Variants in GARNL3 observed in about 807,000 individuals in gnomAD.
GARNL3 encodes the protein GTPase-activating Rap/Ran-GAP domain-like protein 3.
GARNL3 carries 63 observed loss-of-function variants against 125.0 expected under a neutral mutation model. The observed-to-expected ratio is 0.50, with a 90% CI of 0.41 to 0.62. GARNL3 has a LOEUF of 0.62. GARNL3 is among the 20% of genes least tolerant of loss of function. The pLI, the probability that GARNL3 is intolerant of heterozygous loss-of-function variation, is 0.00. For missense variants in GARNL3, 994 were observed against 1,244.0 expected, an observed-to-expected ratio of 0.80 and a Z score of 3.02; for synonymous variants, 439 against 457.5, an observed-to-expected ratio of 0.96 and a Z score of 0.52.
intron 1 of GARNL3, among the ~76,000 whole-genome samples, chr9:127,234,871 C>T (rs141433058): frequency 3.9e-5 from 6 of 152,238 alleles, no homozygotes; most frequent in South Asian, 2.1e-4. Flanking sequence ...GCTGAGCCCT[C>T]GTGTCCTAAT....
intron 7 of GARNL3, among the ~76,000 whole-genome samples, chr9:127,327,875 T>C (rs2065622917): frequency 6.6e-6 from 1 of 152,194 alleles, no homozygotes; most frequent in Non-Finnish European, 1.5e-5. Context: ...CAAAGACAAC[T>C]GCTATTAACA....
At chr9:127,231,840 C>T (rs1186476072) in intron 1 of GARNL3, among the ~76,000 whole-genome samples, 1 of 152,146 alleles carries the variant, frequency 6.6e-6, no homozygotes, top group Admixed American at 6.5e-5. Context: ...AACACAGTTG[C>T]CTGAGCCCCA....
At chr9:127,299,572 T>C (rs1225265054) in intron 2 of GARNL3, among the ~76,000 whole-genome samples, 2 of 151,914 alleles carry the variant, frequency 1.3e-5, no homozygotes, top group African/African-American at 2.4e-5. Flanking sequence ...GTTTTTGTTT[T>C]TGTTTTTGTT....
At chr9:127,370,257 GC>G (rs1368415878) in intron 22 of GARNL3, among the ~76,000 whole-genome samples, 1 of 152,132 alleles carries the variant, frequency 6.6e-6, no homozygotes, top group Non-Finnish European at 1.5e-5. Flanking sequence ...CCCTGTTCCT[GC>G]CCCGCAGCAC....
chr9:127,306,447 G>T (rs1404029315), intron 2 of GARNL3, among the ~76,000 whole-genome samples: 1 of 152,198 alleles, frequency 6.6e-6, no homozygotes, highest in East Asian at 1.9e-4. Context: ...GTCAAGTGTG[G>T]CCGGGCGCGG....
upstream of GARNL3, among the ~76,000 whole-genome samples, chr9:127,260,215 G>T (rs142018644): frequency 6.6e-6 from 1 of 152,170 alleles, no homozygotes; most frequent in Non-Finnish European, 1.5e-5. Context: ...GATTAAGTTA[G>T]CCTTGTCCTT....
At chr9:127,365,031 A>C in intron 21 of GARNL3, 1 of 431,240 alleles carries the variant, frequency 2.3e-6, no homozygotes. Context: ...AGAGCTTCTC[A>C]ACGGCTATGA....
At chr9:127,246,878 G>C (rs1381355082) in intron 2 of GARNL3, among the ~76,000 whole-genome samples, 3 of 149,132 alleles carry the variant, frequency 2.0e-5, no homozygotes, top group South Asian at 4.3e-4. Flanking sequence ...ATTTAGGAAA[G>C]TCTTCTTGGA....
intron 1 of GARNL3, among the ~76,000 whole-genome samples, chr9:127,276,130 C>CT (rs397756190): frequency 0.088 from 12,654 of 144,274 alleles, 1,494 homozygotes; most frequent in African/African-American, 0.27. Flanking sequence ...TCAACTCTGC[C>CT]TTTTTTTTTT....
rs1401447250 is a variant in GARNL3 at position 127,385,529 on chromosome 9, TTGAATTCTTAGCCTATGAAACATGGC to T, written c.2388+386_2388+411del. Among the ~76,000 whole-genome samples, 2 of 152,176 alleles carry T rather than the reference TTGAATTCTTAGCCTATGAAACATGGC, an allele frequency of 1.3e-5. No homozygotes were observed. Among genetic ancestry groups the T allele is most frequent in the Non-Finnish European group, 2.9e-5 (2 of 68,032 alleles). ...TCCTTTCCCACCCTCTATCCTCAGTTTGAATTCTTAGCCTATGAAACATGGCTAATTGATTAATCCCTGCCTCATAA... is the reference window on the plus strand; with the variant it reads ...TCCTTTCCCACCCTCTATCCTCAGTTTAATTGATTAATCCCTGCCTCATAA... On this transcript the variant is annotated intron_variant, in intron 24 of 27. Transcript: ENST00000373387. This position sits in a 1 kb window ranked among gnomAD's most constrained non-coding sequence, Gnocchi z 4.1.
rs1831499465 is a variant in GARNL3 at position 127,369,676 on chromosome 9, C to T, written c.2161+4310C>T. Among the ~76,000 whole-genome samples, 4 of 152,284 alleles carry T rather than the reference C, an allele frequency of 2.6e-5. No homozygotes were observed. The South Asian group carries it at 6.2e-4, about 24-fold the overall frequency. On this transcript the variant is annotated intron_variant, in intron 22 of 27. Coordinates refer to ENST00000373387, the MANE Select transcript of GARNL3 (RefSeq NM_032293.5). ...GGAAAGCAGGGGGAGCACTTTTTCA[C>T]AGGGGTTGTGAGGCGGTGGGAGAAG... is the stretch of plus-strand genomic sequence containing the variant.
At chr9:127,374,130 C>T (rs1209764211) in intron 22 of GARNL3, among the ~76,000 whole-genome samples, 2 of 152,000 alleles carry the variant, frequency 1.3e-5, no homozygotes, top group East Asian at 1.9e-4. Context: ...GGTAAAACCT[C>T]GCCTCTACTA....
chr9:127,357,414 A>G (rs548783381), intron 21 of GARNL3, 37 bp downstream of exon 21: 25 of 1,603,250 alleles, frequency 1.6e-5, no homozygotes, highest in African/African-American at 6.7e-5. Context: ...GAGAATCAGA[A>G]AAGAGTAATC....
At chr9:127,232,573 C>T (rs2063038193) in intron 1 of GARNL3, among the ~76,000 whole-genome samples, 1 of 152,174 alleles carries the variant, frequency 6.6e-6, no homozygotes. Context: ...CCTCTCAAGG[C>T]ACTAGGATTA....
chr9:127,332,224 T>A, intron 7 of GARNL3, 50 bp from the exon 8 acceptor site: 1 of 1,380,910 alleles, frequency 7.2e-7, no homozygotes, highest in Non-Finnish European at 1.0e-6. Flanking sequence ...CAAAACTATA[T>A]ACGCTGTGAT....
At position 127,346,166 on chromosome 9, in the gene GARNL3, C is replaced by T. The variant is rs77968367; in HGVS notation, c.1431+689C>T. On this transcript the variant is annotated intron_variant, in intron 16 of 27. Coordinates refer to ENST00000373387, the MANE Select transcript of GARNL3 (RefSeq NM_032293.5). ...AGGTGATCATCAAAAATAAAACAGA[C>T]AAAAATACACAAATTATATTATGAA... is the stretch of plus-strand genomic sequence containing the variant. Among the ~76,000 whole-genome samples, 557 of 152,194 alleles carry T rather than the reference C, an allele frequency of 3.7e-3. 10 individuals are homozygous for T. In the East Asian group the frequency reaches 0.07, roughly 19 times the overall value.
At chr9:127,243,393 T>G (rs2063238438) in intron 2 of GARNL3, 9 of 527,866 alleles carry the variant, frequency 1.7e-5, no homozygotes, top group South Asian at 1.7e-4. Context: ...GTTGGGAGAC[T>G]GCATTTCTGT....
chr9:127,283,009 A>AT (rs35267410), intron 1 of GARNL3, among the ~76,000 whole-genome samples: 4 of 151,970 alleles, frequency 2.6e-5, no homozygotes, highest in Admixed American at 1.3e-4. Flanking sequence ...CTTGGATCTT[A>AT]TTTTTTTTCC....
At chr9:127,311,801 C>G in intron 3 of GARNL3, 66 bp downstream of exon 3, 1 of 1,100,418 alleles carries the variant, frequency 9.1e-7, no homozygotes, top group East Asian at 2.4e-5. Flanking sequence ...GTTCATATAA[C>G]TTCTGGTATC....
Sources: gnomAD v4.1 joint callset for allele counts (sites outside exome capture counted in the v4.1 genomes callset) on GRCh38, gnomAD v4.1.1 for gene constraint, Gnocchi (gnomAD v3.1) non-coding constraint, MANE v1.5 for transcripts, NCBI Gene and HGNC (gene_info 2026-07-23, HGNC 2026-07-21) for gene names.